RORC: variants seen among roughly 807,000 people sequenced by gnomAD.
The protein encoded by RORC is RAR related orphan receptor C, also known as nuclear receptor ROR-gamma.
RORC carries 13 observed loss-of-function variants against 64.5 expected under a neutral mutation model. The observed-to-expected ratio is 0.20, with a 90% confidence interval of 0.13 to 0.32. The LOEUF is 0.32. Ranked by LOEUF, RORC falls within the 10% of genes least tolerant of loss-of-function variation. RORC has a pLI of 1.00. For missense variants in RORC, 468 were observed against 669.5 expected, an observed-to-expected ratio of 0.70 and a Z score of 3.32; for synonymous variants, 277 against 259.3, an observed-to-expected ratio of 1.07 and a Z score of -0.65.
Position 151,830,745 on chromosome 1 carries a change from G to A in RORC, c.40+980C>T, listed in dbSNP as rs1652379153. On this transcript the variant is annotated intron_variant, in intron 1 of 10. Transcript: ENST00000318247. The surrounding 1 kb of genome is among the most constrained non-coding windows in gnomAD (Gnocchi z 4.0). ...GGAGGCGAGTGGCCTGATGGCCTGG[G>A]CTCTGCTGGGGTGAGGGAGGAGAAA... 6.6e-6 allele frequency among the ~76,000 whole-genome samples: 1 copy of A among 152,068 alleles called. No homozygotes were observed. Among genetic ancestry groups the A allele is most frequent in the African/African-American group, 2.4e-5 (1 of 41,386 alleles).
At chr1:151,817,373 TC>T in intron 2 of RORC, 93 bp from the exon 3 acceptor site, 1 of 825,924 alleles carries the variant, frequency 1.2e-6, no homozygotes, top group Non-Finnish European at 2.1e-6. Flanking sequence ...ACCTGGTGCT[TC>T]CACTACTTCT....
intron 10 of RORC, among the ~76,000 whole-genome samples, chr1:151,810,478 A>C (rs1277966605): frequency 6.6e-6 from 1 of 151,892 alleles, no homozygotes; most frequent in East Asian, 1.9e-4. Context: ...CGCAAAGAGC[A>C]CTGGGATTCA....
intron 2 of RORC, among the ~76,000 whole-genome samples, chr1:151,826,853 C>T (rs1437829222): frequency 1.3e-5 from 2 of 152,222 alleles, no homozygotes; most frequent in Non-Finnish European, 2.9e-5. Context: ...GGCAGTGGCT[C>T]ACGCCTGTAA....
chr1:151,813,087 G>C (rs1651600966), intron 8 of RORC, 30 bp from the exon 9 acceptor site: 2 of 1,552,266 alleles, frequency 1.3e-6, no homozygotes, highest in Non-Finnish European at 8.9e-7. Flanking sequence ...AAAAGTGAGA[G>C]AGTGGCTGGA....
intron 6 of RORC, 109 bp downstream of exon 6, chr1:151,814,465 C>T: frequency 8.3e-7 from 1 of 1,208,616 alleles, no homozygotes; most frequent in Non-Finnish European, 1.2e-6. Context: ...CAGCCTGTGT[C>T]TGTGATGTCC....
intron 2 of RORC, among the ~76,000 whole-genome samples, chr1:151,818,364 A>G (rs148984197): frequency 5.3e-5 from 8 of 152,274 alleles, no homozygotes; most frequent in South Asian, 2.1e-4. Context: ...GTGTCTGCTC[A>G]TGGGGCACTA....
Position 151,830,621 on chromosome 1 carries a change from TACAC to T in RORC, c.40+1100_40+1103del, listed in dbSNP as rs1553293049. On this transcript the variant is annotated intron_variant, in intron 1 of 10. Transcript: ENST00000318247. The surrounding 1 kb of genome is among the most constrained non-coding windows in gnomAD (Gnocchi z 4.0). The stretch of plus-strand genomic sequence containing the variant: ...TGCTGTTCAGTCTTGACACCTGACA[TACAC>T]ACACACACACACACACACACACACA... Among the ~76,000 whole-genome samples, 3,323 of 57,156 alleles carry T rather than the reference TACAC, an allele frequency of 0.058. 151 individuals carry two copies. The highest frequency in any genetic ancestry group is 0.13 in the African/African-American group (3,097 of 23,604). The allele number at this position is 57,156 out of a possible 152,430, so 37.5% of individuals were successfully genotyped here.
intron 2 of RORC, chr1:151,826,163 G>A: frequency 8.5e-7 from 1 of 1,176,022 alleles, no homozygotes; most frequent in Non-Finnish European, 1.1e-6. Context: ...CCCAAGGGGT[G>A]CAGTGAGTAG....
In RORC at chr1:151,807,904, ACT is replaced by A. The variant is rs769699835; in HGVS notation, c.1396-273_1396-272del. 7.9e-5 allele frequency among the ~76,000 whole-genome samples: 12 copies of A among 151,980 alleles called. No homozygotes were observed. The highest frequency in any genetic ancestry group is 2.6e-4 in the Admixed American group (4 of 15,262). On this transcript the variant is annotated intron_variant, in intron 10 of 10. Transcript: ENST00000318247. This position sits in a 1 kb window ranked among gnomAD's most constrained non-coding sequence, Gnocchi z 5.0. The stretch of plus-strand genomic sequence containing the variant: ...ACTTCTAGAATGAACCTTGTCAAAG[ACT>A]CTAATGTGCACTTCCTGCTTTTATA...
chr1:151,827,385 AG>A (rs939445296), intron 2 of RORC, among the ~76,000 whole-genome samples: 1 of 151,544 alleles, frequency 6.6e-6, no homozygotes, highest in African/African-American at 2.4e-5. Context: ...GGCCTGGGGG[AG>A]GGGGGTCCTT....
At chr1:151,827,543 C>T (rs1652242713) in intron 2 of RORC, among the ~76,000 whole-genome samples, 1 of 152,166 alleles carries the variant, frequency 6.6e-6, no homozygotes, top group Admixed American at 6.5e-5. Flanking sequence ...CATCTTGGAC[C>T]CCCATCTTGG....
chr1:151,817,291 G>A lies in RORC; in HGVS notation c.71-11C>T, dbSNP rs200735068. The A allele has an allele frequency of 1.2e-6, 2 of 1,608,214 alleles. No individual in the cohort carries two copies. Among genetic ancestry groups the A allele is most frequent in the Non-Finnish European group, 1.7e-6 (2 of 1,174,640 alleles). Reference sequence around the variant, plus strand: ...TCACTTCAATTTGTGCTGGAAGAGAGAAAGAGAAGTAGGTCAGCCCAGGAG... The same window carrying A: ...TCACTTCAATTTGTGCTGGAAGAGAAAAAGAGAAGTAGGTCAGCCCAGGAG... On this transcript the variant is annotated splice_polypyrimidine_tract_variant and intron_variant, in intron 2 of 10. Transcript: ENST00000318247.
chr1:151,817,349 C>G, intron 2 of RORC, 69 bp from the exon 3 acceptor site: 2 of 1,071,418 alleles, frequency 1.9e-6, no homozygotes, highest in South Asian at 2.5e-5. Context: ...TGTACCTGGG[C>G]TGCAGATACA....
rs1321566712 is a variant in RORC, at chr1:151,830,650, A to ACACACACACACAC, written c.40+1074_40+1075insGTGTGTGTGTGTG. The stretch of plus-strand genomic sequence containing the variant: ...CACACACACACACACACACACACAC[A>ACACACACACACAC]CACACACACACAGTGCCCTTCTGCC... On this transcript the variant is annotated intron_variant, in intron 1 of 10. Coordinates refer to ENST00000318247, the MANE Select transcript of RORC (RefSeq NM_005060.4). This position sits in a 1 kb window ranked among gnomAD's most constrained non-coding sequence, Gnocchi z 4.0. Among the ~76,000 whole-genome samples the ACACACACACACAC allele has an allele frequency of 3.3e-4, 49 of 149,372 alleles. No homozygotes were observed. Among genetic ancestry groups the ACACACACACACAC allele is most frequent in the Non-Finnish European group, 2.7e-4 (18 of 67,314 alleles).
chr1:151,815,957 C>T (rs187929693), intron 4 of RORC, among the ~76,000 whole-genome samples: 23 of 152,330 alleles, frequency 1.5e-4, no homozygotes, highest in Middle Eastern at 3.4e-3. Context: ...TTACTCCCCC[C>T]GCCACCCCTC....
chr1:151,818,887 C>T (rs1651875968), intron 2 of RORC, among the ~76,000 whole-genome samples: 1 of 152,142 alleles, frequency 6.6e-6, no homozygotes, highest in Admixed American at 6.5e-5. Context: ...CCGCCATTCC[C>T]CAAAATATTA....
At chr1:151,831,215 G>A in intron 1 of RORC, 11 of 905,788 alleles carry the variant, frequency 1.2e-5, no homozygotes, top group South Asian at 1.6e-5. Flanking sequence ...GACAGGGTGT[G>A]GTTCCCCCTG....
At chr1:151,831,329 T>C (rs555169519) in intron 1 of RORC, among the ~76,000 whole-genome samples, 3 of 152,290 alleles carry the variant, frequency 2.0e-5, no homozygotes, top group South Asian at 4.1e-4. Flanking sequence ...TCTGGGGTCC[T>C]GGCCAGATCA....
chr1:151,826,101 G>A (rs1350142692), intron 2 of RORC: 2 of 1,426,130 alleles, frequency 1.4e-6, no homozygotes, highest in Non-Finnish European at 1.8e-6. Flanking sequence ...TGGACTGGGG[G>A]GTTTAAGCTC....
Sources: gnomAD v4.1 joint callset for allele counts (sites outside exome capture counted in the v4.1 genomes callset) on GRCh38, gnomAD v4.1.1 for gene constraint, Gnocchi (gnomAD v3.1) non-coding constraint, MANE v1.5 for transcripts, NCBI Gene and HGNC (gene_info 2026-07-23, HGNC 2026-07-21) for gene names.